FOCAD: variants seen among roughly 807,000 people sequenced by gnomAD.
The protein encoded by FOCAD is KIAA1797.
In FOCAD, 198 loss-of-function variants were observed where a neutral mutation model predicts 225.6. The observed-to-expected ratio is 0.88, with a 90% CI of 0.78 to 0.99. FOCAD has a LOEUF of 0.99. Among genes scored for constraint, FOCAD ranks in the 50% least tolerant of loss-of-function variants. The pLI, the probability that FOCAD is intolerant of heterozygous loss-of-function variation, is 0.00. For missense variants in FOCAD, 2,713 were observed against 2,123.6 expected, an observed-to-expected ratio of 1.28 and a Z score of -5.46; for synonymous variants, 897 against 755.0, an observed-to-expected ratio of 1.19 and a Z score of -3.08.
intron 7 of FOCAD, among the ~76,000 whole-genome samples, chr9:20,768,471 C>T (rs970312809): frequency 6.6e-6 from 1 of 151,466 alleles, no homozygotes; most frequent in African/African-American, 2.4e-5. Flanking sequence ...ATGGAATGTT[C>T]TTCCATTTGT....
chr9:20,856,871 C>T (rs1174185314), intron 15 of FOCAD, among the ~76,000 whole-genome samples: 2 of 152,000 alleles, frequency 1.3e-5, no homozygotes, highest in Non-Finnish European at 2.9e-5. Flanking sequence ...ATGTTCTTGG[C>T]ACCTTTGTCA....
At chr9:20,673,050 A>C (rs963784421) in intron 2 of FOCAD, among the ~76,000 whole-genome samples, 2 of 152,220 alleles carry the variant, frequency 1.3e-5, no homozygotes, top group African/African-American at 4.8e-5. Flanking sequence ...CATTGCTTGG[A>C]GTATGCAGTG....
intron 21 of FOCAD, among the ~76,000 whole-genome samples, chr9:20,892,704 A>G (rs919908004): frequency 1.3e-5 from 2 of 152,184 alleles, no homozygotes; most frequent in Non-Finnish European, 2.9e-5. Context: ...AGGATTTACA[A>G]TATTACATAA....
At chr9:20,946,272 T>C (rs1837169790) in intron 29 of FOCAD, among the ~76,000 whole-genome samples, 1 of 152,208 alleles carries the variant, frequency 6.6e-6, no homozygotes, top group African/African-American at 2.4e-5. Context: ...GTTTCACTTC[T>C]TTGAATTTCC....
chr9:20,755,357 C>T (rs896153616), intron 5 of FOCAD, among the ~76,000 whole-genome samples: 2 of 152,214 alleles, frequency 1.3e-5, no homozygotes. Context: ...AACAGGCCTT[C>T]AGCATCATGC....
Position 20,995,563 on chromosome 9 carries a change from G to T in FOCAD, c.5340G>T (p.Leu1780=). 1 of 1,612,448 alleles carries T rather than the reference G, an allele frequency of 6.2e-7. No individual in the cohort carries two copies. The highest frequency in any genetic ancestry group is 1.1e-5 in the South Asian group (1 of 91,070). ...TATATTTTGTCCCCTTAGCCACCCTGCTGTCCTTGAGAGTTCTCCCAGAGT... is the reference window on the plus strand; with the variant it reads ...TATATTTTGTCCCCTTAGCCACCCTTCTGTCCTTGAGAGTTCTCCCAGAGT... ...AQSRDLLKAT[L]LSLRVLPEFK... Residue 1780 remains leucine (L), a synonymous_variant, in exon 44 of 44, where the codon CTG becomes CTT. Coordinates refer to ENST00000338382, the MANE Select transcript of FOCAD (RefSeq NM_001375567.1).
intron 4 of FOCAD, among the ~76,000 whole-genome samples, chr9:20,736,353 G>C (rs567832955): frequency 6.6e-6 from 1 of 152,222 alleles, no homozygotes; most frequent in Non-Finnish European, 1.5e-5. Flanking sequence ...TTCTCCAGTG[G>C]TTATGTTTTC....
intron 5 of FOCAD, among the ~76,000 whole-genome samples, chr9:20,757,406 C>T (rs1396015444): frequency 6.6e-6 from 1 of 151,814 alleles, no homozygotes; most frequent in Non-Finnish European, 1.5e-5. Flanking sequence ...GGGTTAAACC[C>T]CATTCTTTGA....
chr9:20,664,561 C>T (rs1821837282), intron 2 of FOCAD, among the ~76,000 whole-genome samples: 2 of 151,332 alleles, frequency 1.3e-5, no homozygotes, highest in Middle Eastern at 3.2e-3. Context: ...AGAGATAAAT[C>T]CCATAAAGAA....
exon 2 of FOCAD, chr9:20,658,710 C>T (rs1821605244): frequency 1.3e-5 from 2 of 158,666 alleles, no homozygotes; most frequent in Non-Finnish European, 2.7e-5. Flanking sequence ...CTCGGTATCT[C>T]AGATGGAAAT....
chr9:20,712,686 G>C (rs1586917076), intron 1 of FOCAD, among the ~76,000 whole-genome samples: 1 of 144,408 alleles, frequency 6.9e-6, no homozygotes, highest in Non-Finnish European at 1.5e-5. Context: ...AAGTTGCTCA[G>C]ATTAAAAACC....
intron 11 of FOCAD, among the ~76,000 whole-genome samples, chr9:20,800,279 C>A (rs1387415609): frequency 6.6e-6 from 1 of 152,140 alleles, no homozygotes; most frequent in Non-Finnish European, 1.5e-5. Context: ...CTTCCCTTAA[C>A]ATTTTTTCCT....
intron 29 of FOCAD, among the ~76,000 whole-genome samples, chr9:20,945,668 A>C (rs1837099598): frequency 6.6e-6 from 1 of 152,204 alleles, no homozygotes; most frequent in Non-Finnish European, 1.5e-5. Flanking sequence ...CAAAAGAGTA[A>C]ATCTTGCAAC....
chr9:20,835,502 G>T (rs1825907446), intron 15 of FOCAD, among the ~76,000 whole-genome samples: 1 of 152,002 alleles, frequency 6.6e-6, no homozygotes, highest in Non-Finnish European at 1.5e-5. Flanking sequence ...CTCAACCTGT[G>T]CTCCATGTTG....
chr9:20,857,150 T>C (rs909263996), intron 15 of FOCAD, among the ~76,000 whole-genome samples: 2 of 152,122 alleles, frequency 1.3e-5, no homozygotes, highest in African/African-American at 4.8e-5. Context: ...TTGATAGGGA[T>C]TGCATTGAAT....
chr9:20,850,883 TTG>T (rs1202568198), intron 15 of FOCAD, among the ~76,000 whole-genome samples: 1 of 149,240 alleles, frequency 6.7e-6, no homozygotes, highest in African/African-American at 2.5e-5. Flanking sequence ...ACACAAGGTT[TTG>T]TAATGCATGT....
chr9:20,752,890 G>T (rs1242194847), intron 5 of FOCAD, among the ~76,000 whole-genome samples: 1 of 151,170 alleles, frequency 6.6e-6, no homozygotes, highest in Non-Finnish European at 1.5e-5. Flanking sequence ...TTGTAAGCTG[G>T]ATTCCTAGGT....
chr9:20,704,866 T>C (rs891261788), intron 1 of FOCAD, among the ~76,000 whole-genome samples: 7 of 152,224 alleles, frequency 4.6e-5, no homozygotes, highest in Admixed American at 1.3e-4. Flanking sequence ...TTGGTAACTT[T>C]ATTAAAATTA....
At chr9:20,782,071 C>G in intron 10 of FOCAD, 142 bp downstream of exon 10, 1 of 691,366 alleles carries the variant, frequency 1.4e-6, no homozygotes, top group Non-Finnish European at 2.5e-6. Context: ...GAGATCTCAA[C>G]ATATTCTTCT....
Sources: gnomAD v4.1 joint callset for allele counts (sites outside exome capture counted in the v4.1 genomes callset) on GRCh38, gnomAD v4.1.1 for gene constraint, MANE v1.5 for transcripts, NCBI Gene and HGNC (gene_info 2026-07-23, HGNC 2026-07-21) for gene names.